Variants in TBC1D5 observed in about 807,000 individuals in gnomAD.
The protein encoded by TBC1D5 is TBC1 domain family member 5.
Under a neutral mutation model 100.3 loss-of-function variants are expected in TBC1D5, and 75 were observed. The ratio of observed to expected loss-of-function variants is 0.75; its 90% CI spans 0.62 to 0.91. The LOEUF (loss-of-function observed/expected upper bound fraction) is 0.91, where lower values mean the gene tolerates loss of function less well. TBC1D5 is among the 40% of genes least tolerant of loss of function. The pLI, the probability that TBC1D5 is intolerant of heterozygous loss-of-function variation, is 0.00. For synonymous variants in TBC1D5, 323 were observed against 325.6 expected, an observed-to-expected ratio of 0.99 and a Z score of 0.09; for missense variants, 910 against 942.4, an observed-to-expected ratio of 0.97 and a Z score of 0.45.
chr3:17,266,558 T>C (rs906040345), intron 15 of TBC1D5, among the ~76,000 whole-genome samples: 9 of 152,180 alleles, frequency 5.9e-5, no homozygotes, highest in African/African-American at 2.2e-4. Context: ...GTTAATTTCA[T>C]ATACTTAGTA....
intron 2 of TBC1D5, among the ~76,000 whole-genome samples, chr3:17,613,292 A>G (rs1577021696): frequency 6.6e-6 from 1 of 152,270 alleles, no homozygotes; most frequent in East Asian, 1.9e-4. Context: ...TCATTGATGG[A>G]CATTTGGGTT....
In TBC1D5 at chr3:17,704,651, C is replaced by T. The variant is rs1422000188; in HGVS notation, c.-101+34692G>A. On this transcript the variant is annotated intron_variant, in intron 1 of 21. Coordinates refer to ENST00000253692, the Ensembl canonical transcript of TBC1D5. ...CGGGGCTGCTGGCCAGGCGGGGGGC[C>T]GACCCCCCCACCTCCCTCCCGGACG... 7.1e-4 allele frequency among the ~76,000 whole-genome samples: 44 copies of T among 61,602 alleles called. 1 individual carries two copies. Among genetic ancestry groups the T allele is most frequent in the African/African-American group, 1.2e-3 (22 of 18,126 alleles). 40.4% of individuals were successfully genotyped at this position (61,602 alleles called of 152,430 possible).
intron 2 of TBC1D5, among the ~76,000 whole-genome samples, chr3:17,572,541 C>G (rs1453620265): frequency 6.6e-6 from 1 of 152,018 alleles, no homozygotes; most frequent in Non-Finnish European, 1.5e-5. Context: ...CTCCCTCTGA[C>G]AGTCAGCTCT....
intron 1 of TBC1D5, among the ~76,000 whole-genome samples, chr3:17,720,001 C>T (rs2075561402): frequency 9.9e-6 from 1 of 101,098 alleles, no homozygotes; most frequent in African/African-American, 3.3e-5. Context: ...ATACTAATAT[C>T]ACATGATCTA....
At position 17,508,546 on chromosome 3, in the gene TBC1D5, T is replaced by A. The variant is rs781392536; in HGVS notation, c.25A>T (p.Arg9Ter). ...TGTTCTTCTGGCTGCAGAGGATGTCTAGTTTCAGATAAGGAATGATACATT... is the reference window on the plus strand; with the variant it reads ...TGTTCTTCTGGCTGCAGAGGATGTCAAGTTTCAGATAAGGAATGATACATT... The change falls in exon 3 of 22, where the codon AGA becomes TGA. Residue 9 changes from arginine to a stop codon, truncating the protein, a stop_gained. Coordinates refer to ENST00000253692, the Ensembl canonical transcript of TBC1D5. LOFTEE classifies it high-confidence loss of function. The A allele has an allele frequency of 1.2e-6, 2 of 1,613,602 alleles. No individual in the cohort carries two copies. Among genetic ancestry groups the A allele is most frequent in the Non-Finnish European group, 1.7e-6 (2 of 1,179,572 alleles).
At chr3:17,233,858 T>C (rs1282945626) in intron 17 of TBC1D5, 108 bp from the exon 18 acceptor site, 1 of 612,270 alleles carries the variant, frequency 1.6e-6, no homozygotes, top group Non-Finnish European at 2.8e-6. Context: ...ACTAAAAATA[T>C]AGTACAAAAG....
At position 17,161,541 on chromosome 3, in the gene TBC1D5, G is replaced by C. The variant is rs1341003864; in HGVS notation, c.2095-285C>G. Among the ~76,000 whole-genome samples, 3 of 152,252 alleles carry C rather than the reference G, an allele frequency of 2.0e-5. No homozygotes were observed. The South Asian group carries it at 6.2e-4, about 31-fold the overall frequency. On this transcript the variant is annotated intron_variant, in intron 21 of 21. Coordinates refer to ENST00000253692, the Ensembl canonical transcript of TBC1D5. ...CAAGCTTCAGACAGAGGCAGTGTCT[G>C]TGCTGCCAGGGAGAGCCCAGGCTCA... is the stretch of plus-strand genomic sequence containing the variant.
chr3:17,287,161 G>A (rs1160677006), intron 15 of TBC1D5, among the ~76,000 whole-genome samples: 2 of 152,222 alleles, frequency 1.3e-5, no homozygotes, highest in Non-Finnish European at 2.9e-5. Flanking sequence ...TTTGTGGAAT[G>A]TGAACATGGG....
chr3:17,383,644 T>A (rs1360583212), intron 9 of TBC1D5, among the ~76,000 whole-genome samples: 1 of 152,078 alleles, frequency 6.6e-6, no homozygotes, highest in Non-Finnish European at 1.5e-5. Context: ...TCAAAGATGC[T>A]GTTTATAAAC....
At chr3:17,550,918 C>T (rs1326831270) in intron 2 of TBC1D5, among the ~76,000 whole-genome samples, 1 of 151,562 alleles carries the variant, frequency 6.6e-6, no homozygotes, top group Non-Finnish European at 1.5e-5. Flanking sequence ...GAAACTAAAA[C>T]CAAAAAAAAT....
intron 13 of TBC1D5, among the ~76,000 whole-genome samples, chr3:17,347,115 T>G (rs2089994276): frequency 6.6e-6 from 1 of 152,204 alleles, no homozygotes; most frequent in African/African-American, 2.4e-5. Context: ...TTACACAGAT[T>G]GCTTTTCAAG....
At chr3:17,735,661 T>G (rs549156587) in intron 1 of TBC1D5, among the ~76,000 whole-genome samples, 1 of 152,262 alleles carries the variant, frequency 6.6e-6, no homozygotes, top group Admixed American at 6.5e-5. Context: ...TTCAGCTCAA[T>G]TAGGACGAAC....
At chr3:17,479,851 C>T (rs1231600597) in intron 3 of TBC1D5, among the ~76,000 whole-genome samples, 1 of 152,156 alleles carries the variant, frequency 6.6e-6, no homozygotes, top group Non-Finnish European at 1.5e-5. Flanking sequence ...TATGAACCTG[C>T]GGGAGCGAGG....
intron 3 of TBC1D5, among the ~76,000 whole-genome samples, chr3:17,458,706 CAAGCTGTG>C (rs1219829277): frequency 6.6e-6 from 1 of 152,160 alleles, no homozygotes; most frequent in Non-Finnish European, 1.5e-5. Flanking sequence ...GTGGTCAAGG[CAAGCTGTG>C]AACTTGATTT....
chr3:17,607,133 A>G (rs2061377437), intron 2 of TBC1D5, among the ~76,000 whole-genome samples: 1 of 152,208 alleles, frequency 6.6e-6, no homozygotes, highest in Non-Finnish European at 1.5e-5. Context: ...AAAAACTCAG[A>G]TGACCATTTA....
intron 15 of TBC1D5, among the ~76,000 whole-genome samples, chr3:17,282,304 G>A (rs1228588704): frequency 6.6e-6 from 1 of 152,094 alleles, no homozygotes; most frequent in African/African-American, 2.4e-5. Flanking sequence ...TCCATTTGGG[G>A]CTTCATAGAC....
intron 2 of TBC1D5, chr3:17,576,666 T>C (rs2096658807): frequency 1.3e-5 from 2 of 152,144 alleles, no homozygotes; most frequent in South Asian, 4.1e-4. Context: ...TAAGACAAGC[T>C]ATTATGATTG....
chr3:17,712,707 G>A (rs2074858139), intron 1 of TBC1D5, among the ~76,000 whole-genome samples: 1 of 152,164 alleles, frequency 6.6e-6, no homozygotes, highest in African/African-American at 2.4e-5. Flanking sequence ...GGCTCAAGCT[G>A]AGCAGGCAAC....
chr3:17,519,560 T>G (rs2096038247), intron 2 of TBC1D5, among the ~76,000 whole-genome samples: 1 of 152,238 alleles, frequency 6.6e-6, no homozygotes, highest in Non-Finnish European at 1.5e-5. Context: ...GTATAATGGT[T>G]GGTTTTCGAC....
Sources: allele counts gnomAD v4.1 joint callset (sites outside exome capture counted in the v4.1 genomes callset), GRCh38; gene constraint gnomAD v4.1.1; transcripts MANE v1.5; gene names NCBI Gene and HGNC (gene_info 2026-07-23, HGNC 2026-07-21).